Variants in SLC19A3 observed in about 807,000 individuals in gnomAD.
SLC19A3 encodes the protein thiamine transporter 2.
A neutral mutation model predicts 40.2 loss-of-function variants in SLC19A3; 31 were observed. The observed-to-expected ratio is 0.77, with a 90% CI of 0.58 to 1.04. The LOEUF (loss-of-function observed/expected upper bound fraction) is 1.04. SLC19A3 is among the 50% of genes least tolerant of loss of function. SLC19A3 has a pLI of 0.00. For synonymous variants in SLC19A3, 212 were observed against 227.5 expected, an observed-to-expected ratio of 0.93 and a Z score of 0.61; for missense variants, 592 against 596.7, an observed-to-expected ratio of 0.99 and a Z score of 0.08.
intron 1 of SLC19A3, chr2:227,702,545 C>T (rs1362509246): frequency 3.9e-6 from 2 of 510,522 alleles, no homozygotes; most frequent in Non-Finnish European, 7.1e-6. Flanking sequence ...AGGTGCCTGC[C>T]ACCATGACTG....
chr2:227,697,482 C>T (rs1574556218), intron 3 of SLC19A3, among the ~76,000 whole-genome samples: 1 of 152,136 alleles, frequency 6.6e-6, no homozygotes, highest in African/African-American at 2.4e-5. Context: ...CTCTTCCAGC[C>T]CTCATTTAAA....
Position 227,699,110 on chromosome 2 carries a change from T to C in SLC19A3, c.605A>G (p.Lys202Arg), listed in dbSNP as rs1368877111. The change falls in exon 3 of 6, where the codon AAA (lysine) becomes AGA (arginine). Residue 202 changes from lysine (K) to arginine (R), a missense_variant. By Grantham distance (26) the Lys-to-Arg change is conservative. Coordinates refer to ENST00000644224, the MANE Select transcript of SLC19A3 (RefSeq NM_025243.4). ...TGACTTCTTTATTTCTCTGCTGGGT[T>C]TTGCATGAAAAAACATGCTTTTCTT... ...MPKKSMFFHA[K>R]PSREIKKSSS... The C allele has an allele frequency of 6.2e-7, 1 of 1,614,086 alleles. No individual in the cohort carries two copies. Among genetic ancestry groups the C allele is most frequent in the African/African-American group, 1.3e-5 (1 of 74,928 alleles).
Position 227,686,307 on chromosome 2 carries a change from C to T in SLC19A3, c.*1090G>A, listed in dbSNP as rs78560894. The T allele has an allele frequency of 0.046, 13,588 of 297,598 alleles. 1,268 individuals carry two copies. The highest frequency in any genetic ancestry group is 0.24 in the African/African-American group (10,481 of 44,156). 18.4% of individuals were successfully genotyped at this position (297,598 alleles called of 1,614,324 possible). ...TAAGTTTTCCTATTTTAGACAGACACCACACAGGTGCTCTTTTTTGGGAGG... is the reference window on the plus strand; with the variant it reads ...TAAGTTTTCCTATTTTAGACAGACATCACACAGGTGCTCTTTTTTGGGAGG... On this transcript the variant is annotated 3_prime_UTR_variant, in exon 6 of 6. Coordinates refer to ENST00000644224, the MANE Select transcript of SLC19A3 (RefSeq NM_025243.4).
chr2:227,705,504 A>G (rs562788247), intron 1 of SLC19A3, among the ~76,000 whole-genome samples: 1 of 152,170 alleles, frequency 6.6e-6, no homozygotes, highest in Admixed American at 6.5e-5. Flanking sequence ...TCTTGGGGGT[A>G]TATACCCAGT....
At chr2:227,697,983 G>T (rs1017438003) in intron 3 of SLC19A3, among the ~76,000 whole-genome samples, 2 of 151,886 alleles carry the variant, frequency 1.3e-5, no homozygotes, top group Non-Finnish European at 2.9e-5. Context: ...GGAGGCTGAG[G>T]CAGGAGAATA....
In SLC19A3 at chr2:227,699,166, A is replaced by C. The variant is rs74693100; in HGVS notation, c.549T>G (p.Ala183=). ...TTGGTAGGAAAAGTGAGAAAAGGAA[A>C]GCCACGGAGACAGAGGCCAAGGATA... is the stretch of plus-strand genomic sequence containing the variant. ...NVISLASVSV[A]FLFSLFLPMP... The change falls in exon 3 of 6, where the codon GCT becomes GCG. Residue 183 remains alanine, a synonymous_variant. Transcript: ENST00000644224. 6.2e-7 allele frequency: 1 copy of C among 1,614,154 alleles called. No individual in the cohort carries two copies. Among genetic ancestry groups the C allele is most frequent in the South Asian group, 1.1e-5 (1 of 91,080 alleles).
At chr2:227,700,126 C>T (rs1235287193) in intron 2 of SLC19A3, among the ~76,000 whole-genome samples, 1 of 152,020 alleles carries the variant, frequency 6.6e-6, no homozygotes, top group East Asian at 1.9e-4. Context: ...ATCCGCCCAC[C>T]TCGGCCTCCC....
chr2:227,707,891 C>T (rs1696005329), intron 1 of SLC19A3, among the ~76,000 whole-genome samples: 1 of 152,248 alleles, frequency 6.6e-6, no homozygotes, highest in East Asian at 1.9e-4. Context: ...CCATGCCTGG[C>T]TAGTTTTTTG....
At chr2:227,696,169 G>A (rs1695429463) in intron 3 of SLC19A3, 88 bp from the exon 4 acceptor site, 1 of 1,264,050 alleles carries the variant, frequency 7.9e-7, no homozygotes, top group African/African-American at 1.5e-5. Flanking sequence ...CAGGTCTCGG[G>A]TAATTCTGAA....
In SLC19A3 at chr2:227,687,480, C is replaced by T; in HGVS notation, c.1408G>A (p.Val470Ile). ...ITYSTKSQKD[V>I]QSPAPSENPD... is the part of the protein sequence containing the mutation. ...TTCTCACTTGGAGCAGGGCTCTGTA[C>T]ATCCTTCTGGGATTTGGTTGAGTAG... The change falls in exon 6 of 6, where the codon GTA (valine) becomes ATA (isoleucine). Residue 470 changes from valine (V) to isoleucine (I), a missense_variant. Coordinates refer to ENST00000644224, the MANE Select transcript of SLC19A3 (RefSeq NM_025243.4). 1.2e-6 allele frequency: 2 copies of T among 1,614,164 alleles called. No individual in the cohort carries two copies. Among genetic ancestry groups the T allele is most frequent in the Non-Finnish European group, 1.7e-6 (2 of 1,179,998 alleles).
chr2:227,699,552 T>C lies in SLC19A3; in HGVS notation c.163A>G (p.Ile55Val), dbSNP rs183021027. The C allele has an allele frequency of 1.2e-5, 20 of 1,614,054 alleles. No homozygotes were observed. The highest frequency in any genetic ancestry group is 1.6e-5 in the Non-Finnish European group (19 of 1,180,006). Residue 55 changes from isoleucine (I) to valine (V), a missense_variant, in exon 3 of 6, where the codon ATC (isoleucine) becomes GTC (valine). Ile to Val is a conservative substitution (Grantham distance 29). Coordinates refer to ENST00000644224, the MANE Select transcript of SLC19A3 (RefSeq NM_025243.4). ...NLTSAEITNE[I>V]FPVWTYSYLV... The stretch of plus-strand genomic sequence containing the variant: ...TAGGAGTATGTCCAAACGGGGAAGA[T>C]CTCATTTGTTATCTGCAAAGTTGGT...
chr2:227,705,757 C>T (rs1390225211), intron 1 of SLC19A3, among the ~76,000 whole-genome samples: 1 of 152,194 alleles, frequency 6.6e-6, no homozygotes, highest in Non-Finnish European at 1.5e-5. Context: ...CTAATGGATG[C>T]TTGGCTTATA....
rs1376476487 is a variant in SLC19A3, at chr2:227,703,390, C to G, written c.-2-1070G>C. ...ACTAGGTCACATCATTGCGGCTTGC[C>G]ACTCACCCTACCCTTTCCCAAGGTG... is the stretch of plus-strand genomic sequence containing the variant. On this transcript the variant is annotated intron_variant, in intron 1 of 5. Coordinates refer to ENST00000644224, the MANE Select transcript of SLC19A3 (RefSeq NM_025243.4). This position sits in a 1 kb window ranked among gnomAD's most constrained non-coding sequence, Gnocchi z 4.7. Among the ~76,000 whole-genome samples the G allele has an allele frequency of 1.3e-5, 2 of 152,106 alleles. No individual in the cohort carries two copies. Among genetic ancestry groups the G allele is most frequent in the African/African-American group, 2.4e-5 (1 of 41,406 alleles).
Position 227,699,385 on chromosome 2 carries a change from C to A in SLC19A3, c.330G>T (p.Glu110Asp). The change falls in exon 3 of 6, where the codon GAG (glutamate) becomes GAT (aspartate). Residue 110 changes from glutamate (E) to aspartate (D), a missense_variant. By Grantham distance (45) the Glu-to-Asp change is conservative. Transcript: ENST00000644224. ...GQGVKTMQVV[E>D]FFYGMVTAAE... ...CGGCGGTGACCATCCCATAGAAGAA[C>A]TCTACAACCTGCATGGTCTTCACTC... The A allele has an allele frequency of 1.2e-6, 2 of 1,614,158 alleles. No homozygotes were observed. Among genetic ancestry groups the A allele is most frequent in the South Asian group, 1.1e-5 (1 of 91,078 alleles).
intron 1 of SLC19A3, chr2:227,714,563 A>G (rs1819): frequency 3.0e-6 from 3 of 985,058 alleles, no homozygotes; most frequent in East Asian, 1.1e-4. Context: ...CCCTTTCCAT[A>G]CCCTGGAGTC....
At chr2:227,706,404 T>C in intron 1 of SLC19A3, 2 of 1,231,204 alleles carry the variant, frequency 1.6e-6, no homozygotes, top group Non-Finnish European at 2.0e-6. Context: ...CCTGTAGCAG[T>C]CATCTTCACC....
chr2:227,717,497 A>G (rs1696373861), intron 1 of SLC19A3, among the ~76,000 whole-genome samples: 1 of 152,102 alleles, frequency 6.6e-6, no homozygotes, highest in Non-Finnish European at 1.5e-5. Context: ...TTTAGTTTCA[A>G]TTAACTAAAT....
At chr2:227,712,642 A>G (rs1318469603) in intron 1 of SLC19A3, among the ~76,000 whole-genome samples, 2 of 152,234 alleles carry the variant, frequency 1.3e-5, no homozygotes, top group Admixed American at 6.5e-5. Flanking sequence ...ATGTTCATAT[A>G]TTTATATTTG....
chr2:227,699,079 G>A lies in SLC19A3; in HGVS notation c.636C>T (p.Ser212=), dbSNP rs372767819. Residue 212 remains serine (S), a synonymous_variant, in exon 3 of 6, where the codon AGC becomes AGT. Coordinates refer to ENST00000644224, the MANE Select transcript of SLC19A3 (RefSeq NM_025243.4). ...KPSREIKKSS[S]VNPVLEETHE... ...GAGTTTCCTCTAATACTGGATTCACGCTTGATGACTTCTTTATTTCTCTGC... is the reference window on the plus strand; with the variant it reads ...GAGTTTCCTCTAATACTGGATTCACACTTGATGACTTCTTTATTTCTCTGC... The A allele has an allele frequency of 1.9e-5, 31 of 1,614,046 alleles. No individual in the cohort carries two copies. Among genetic ancestry groups the A allele is most frequent in the Non-Finnish European group, 2.5e-5 (29 of 1,180,036 alleles).
Sources: allele counts gnomAD v4.1 joint callset (sites outside exome capture counted in the v4.1 genomes callset), GRCh38; gene constraint gnomAD v4.1.1; non-coding constraint Gnocchi (gnomAD v3.1); transcripts MANE v1.5; gene names NCBI Gene and HGNC (gene_info 2026-07-23, HGNC 2026-07-21).